Variants in ALK observed in about 807,000 individuals in gnomAD.
ALK encodes the protein ALK receptor tyrosine kinase, also known as ALK tyrosine kinase receptor.
Under a neutral mutation model 163.1 loss-of-function variants are expected in ALK, and 74 were observed. That is an observed-to-expected ratio of 0.45 (90% confidence interval 0.38 to 0.55). The LOEUF is 0.55. Ranked by LOEUF, ALK falls within the 20% of genes least tolerant of loss-of-function variation. ALK has a pLI of 0.00. For synonymous variants in ALK, 960 were observed against 843.2 expected (o/e 1.14, Z -2.40); for missense variants, 2,063 against 2,105.3 (o/e 0.98, Z 0.39).
chr2:29,521,903 TC>T lies in ALK; in HGVS notation c.1154+10011del, dbSNP rs140835262. ...GAGGCCAGCCTTTCTGGATAGGCTCTCTATGACCTTCGGCAGTGCCAGACAT... is the reference window on the plus strand; with the variant it reads ...GAGGCCAGCCTTTCTGGATAGGCTCTTATGACCTTCGGCAGTGCCAGACAT... On this transcript the variant is annotated intron_variant, in intron 4 of 28. Coordinates refer to ENST00000389048, the MANE Select transcript of ALK (RefSeq NM_004304.5). 6.5e-3 allele frequency among the ~76,000 whole-genome samples: 989 copies of T among 152,320 alleles called. 10 individuals are homozygous for T. Among genetic ancestry groups the T allele is most frequent in the African/African-American group, 0.022 (894 of 41,576 alleles).
At chr2:29,812,003 G>A (rs990706634) in intron 1 of ALK, among the ~76,000 whole-genome samples, 10 of 152,210 alleles carry the variant, frequency 6.6e-5, no homozygotes, top group African/African-American at 2.4e-4. Context: ...AGATGACAAG[G>A]TAAATCCCTG....
chr2:29,239,276 C>T (rs189408763), intron 13 of ALK, among the ~76,000 whole-genome samples: 131 of 152,296 alleles, frequency 8.6e-4, no homozygotes, highest in African/African-American at 3.0e-3. Context: ...GCCCCTCTTC[C>T]CATATCTCTC....
intron 3 of ALK, among the ~76,000 whole-genome samples, chr2:29,590,851 C>T (rs1675032461): frequency 6.6e-6 from 1 of 151,768 alleles, no homozygotes; most frequent in Non-Finnish European, 1.5e-5. Context: ...ACGGGCGGAT[C>T]ACGAGGTCAG....
intron 1 of ALK, among the ~76,000 whole-genome samples, chr2:29,810,443 G>A (rs1387816011): frequency 6.6e-6 from 1 of 151,598 alleles, no homozygotes; most frequent in South Asian, 2.1e-4. Context: ...AAAAAAAAGG[G>A]ATAGTCATAC....
At chr2:29,567,830 T>C (rs1266581026) in intron 3 of ALK, among the ~76,000 whole-genome samples, 3 of 152,244 alleles carry the variant, frequency 2.0e-5, no homozygotes, top group Non-Finnish European at 1.5e-5. Context: ...CATTCTGCTA[T>C]ATTTTCTCAA....
chr2:29,275,058 C>G (rs1665496432), intron 11 of ALK, 41 bp downstream of exon 11: 5 of 1,613,506 alleles, frequency 3.1e-6, no homozygotes, highest in African/African-American at 1.3e-5. Context: ...CCTTTTGCAA[C>G]AAGAAGTTAC....
intron 19 of ALK, among the ~76,000 whole-genome samples, 179 bp downstream of exon 19, chr2:29,225,282 T>G (rs1210289972): frequency 2.0e-5 from 3 of 152,006 alleles, no homozygotes; most frequent in East Asian, 3.9e-4. Context: ...GCTGCTCTGG[T>G]GGGGGGAAGG....
chr2:29,543,745 G>T (rs1372631837), intron 3 of ALK, among the ~76,000 whole-genome samples: 1 of 152,122 alleles, frequency 6.6e-6, no homozygotes, highest in Non-Finnish European at 1.5e-5. Flanking sequence ...TCTGGGCTCT[G>T]GCCACTTTGT....
intron 4 of ALK, among the ~76,000 whole-genome samples, chr2:29,471,833 C>T (rs1671353673): frequency 6.6e-6 from 1 of 152,106 alleles, no homozygotes; most frequent in South Asian, 2.1e-4. Context: ...CCTCCACCTC[C>T]TGGGTTTAAG....
intron 1 of ALK, among the ~76,000 whole-genome samples, chr2:29,868,357 C>T (rs895882740): frequency 9.9e-5 from 15 of 152,122 alleles, no homozygotes; most frequent in Admixed American, 9.2e-4. Context: ...ACAGAACAGA[C>T]AAAGATTCTG....
At chr2:29,908,526 C>G (rs1316146797) in intron 1 of ALK, among the ~76,000 whole-genome samples, 1 of 152,208 alleles carries the variant, frequency 6.6e-6, no homozygotes, top group African/African-American at 2.4e-5. Flanking sequence ...TTTTTACTCA[C>G]TTCTATCTCA....
chr2:29,500,189 T>C (rs1275632467), intron 4 of ALK, among the ~76,000 whole-genome samples: 3 of 152,116 alleles, frequency 2.0e-5, no homozygotes, highest in Non-Finnish European at 4.4e-5. Context: ...GTGTTGGAGG[T>C]GGGACCTGGT....
chr2:29,691,698 C>G (rs1010281819), intron 3 of ALK, among the ~76,000 whole-genome samples: 1 of 152,104 alleles, frequency 6.6e-6, no homozygotes, highest in Admixed American at 6.5e-5. Flanking sequence ...TCCTCTCCCC[C>G]CCTTCTTTTT....
intron 4 of ALK, among the ~76,000 whole-genome samples, chr2:29,471,446 G>A (rs780440629): frequency 5.9e-5 from 9 of 152,142 alleles, no homozygotes; most frequent in Non-Finnish European, 8.8e-5. Context: ...ATCACAAAAA[G>A]TTGAGCTTAT....
intron 1 of ALK, among the ~76,000 whole-genome samples, chr2:29,903,036 T>C (rs763547210): frequency 6.6e-6 from 1 of 152,236 alleles, no homozygotes; most frequent in Non-Finnish European, 1.5e-5. Flanking sequence ...TGAAACTAAC[T>C]GATGATGGTG....
chr2:29,696,761 C>T (rs912905692), intron 2 of ALK, among the ~76,000 whole-genome samples: 4 of 151,932 alleles, frequency 2.6e-5, no homozygotes, highest in East Asian at 1.9e-4. Context: ...TCTGCACCTG[C>T]GTGTCTGAAG....
chr2:29,857,412 G>A (rs1192266560), intron 1 of ALK, among the ~76,000 whole-genome samples: 1 of 152,116 alleles, frequency 6.6e-6, no homozygotes, highest in African/African-American at 2.4e-5. Flanking sequence ...AGAAAAAAAA[G>A]GGAAAATACA....
intron 1 of ALK, among the ~76,000 whole-genome samples, chr2:29,759,582 A>G (rs565683122): frequency 2.1e-4 from 32 of 152,120 alleles, no homozygotes; most frequent in Non-Finnish European, 4.3e-4. Context: ...GGCTTTGACC[A>G]CTCTGGCTGT....
intron 4 of ALK, among the ~76,000 whole-genome samples, chr2:29,477,758 CAAGAAA>C (rs1280631695): frequency 2.0e-5 from 3 of 152,124 alleles, no homozygotes; most frequent in Non-Finnish European, 4.4e-5. Flanking sequence ...GCAGGGGCAA[CAAGAAA>C]TGTGGGGACT....
Sources: allele counts gnomAD v4.1 joint callset (sites outside exome capture counted in the v4.1 genomes callset), GRCh38; gene constraint gnomAD v4.1.1; transcripts MANE v1.5; gene names NCBI Gene and HGNC (gene_info 2026-07-23, HGNC 2026-07-21).